The following TENM3 variants were observed in gnomAD, a reference collection of about 807,000 sequenced individuals.
TENM3 encodes teneurin-3.
TENM3 carries 63 observed loss-of-function variants against 255.1 expected under a neutral mutation model. That is an observed-to-expected ratio of 0.25 (90% CI 0.20 to 0.30). The LOEUF is 0.30. Ranked by LOEUF, TENM3 falls within the 10% of genes least tolerant of loss-of-function variation. The pLI is 1.00. For synonymous variants in TENM3, 1,306 were observed against 1,322.3 expected (o/e 0.99, Z 0.27); for missense variants, 2,929 against 3,461.1 (o/e 0.85, Z 3.86).
chr4:182,506,908 A>G (rs964930812), intron 3 of TENM3, among the ~76,000 whole-genome samples: 12 of 152,186 alleles, frequency 7.9e-5, no homozygotes, highest in Non-Finnish European at 1.2e-4. Flanking sequence ...TTATCCTGAT[A>G]GTAGTGAATA....
intron 13 of TENM3, among the ~76,000 whole-genome samples, chr4:182,727,864 C>A (rs200138429): frequency 7.1e-6 from 1 of 140,776 alleles, no homozygotes; most frequent in Non-Finnish European, 1.5e-5. Flanking sequence ...CTTAGAAGAA[C>A]TTTTTTTTTT....
chr4:182,525,527 T>C (rs1348065575), intron 3 of TENM3, among the ~76,000 whole-genome samples: 1 of 152,232 alleles, frequency 6.6e-6, no homozygotes, highest in African/African-American at 2.4e-5. Context: ...TTTATACTTT[T>C]CAAAAAATCC....
intron 22 of TENM3, among the ~76,000 whole-genome samples, chr4:182,761,877 A>G (rs1475158512): frequency 6.6e-6 from 1 of 152,284 alleles, no homozygotes; most frequent in East Asian, 1.9e-4. Context: ...TAAATTATTA[A>G]CCAAAACGTG....
chr4:182,254,924 A>T (rs114590267), intron 1 of TENM3, among the ~76,000 whole-genome samples: 11,190 of 152,096 alleles, frequency 0.074, 522 homozygotes, highest in African/African-American at 0.12. Context: ...TGAGCTAAGC[A>T]CTCTGGGTTT....
At chr4:182,559,127 A>ATTT (rs70956518) in intron 3 of TENM3, among the ~76,000 whole-genome samples, 34 of 107,476 alleles carry the variant, frequency 3.2e-4, no homozygotes, top group African/African-American at 9.2e-4. Flanking sequence ...ATTCCTCGGG[A>ATTT]TTTTTTTTTT....
At chr4:181,503,076 T>A in the TENM3 span, among the ~76,000 whole-genome samples, 1 of 152,272 alleles carries the variant, frequency 6.6e-6, no homozygotes, top group South Asian at 2.1e-4. Flanking sequence ...AATATGATCA[T>A]TCAGCTGGAC....
the TENM3 span, among the ~76,000 whole-genome samples, chr4:181,611,351 G>T: frequency 1.2e-4 from 18 of 152,166 alleles, no homozygotes; most frequent in Non-Finnish European, 2.4e-4. Context: ...AGTTCAAAGT[G>T]AATTACTTTA....
the TENM3 span, among the ~76,000 whole-genome samples, chr4:181,462,056 C>T: frequency 6.6e-6 from 1 of 152,116 alleles, no homozygotes; most frequent in Non-Finnish European, 1.5e-5. Context: ...GACCGATTTG[C>T]TTTTATGCTG....
the TENM3 span, among the ~76,000 whole-genome samples, chr4:181,591,055 T>A: frequency 6.6e-6 from 1 of 152,232 alleles, no homozygotes; most frequent in Non-Finnish European, 1.5e-5. Context: ...ACAATGAGTC[T>A]TATGCAACCT....
chr4:181,816,139 C>A, the TENM3 span, among the ~76,000 whole-genome samples: 1 of 152,124 alleles, frequency 6.6e-6, no homozygotes, highest in Non-Finnish European at 1.5e-5. Flanking sequence ...TAAGACGTTT[C>A]CACTCATAGT....
At chr4:181,861,484 G>A in the TENM3 span, among the ~76,000 whole-genome samples, 12 of 152,198 alleles carry the variant, frequency 7.9e-5, no homozygotes, top group African/African-American at 2.4e-4. Flanking sequence ...TTCATTATGT[G>A]GACAATACTT....
chr4:182,232,969 T>C (rs1756675377), intron 1 of TENM3, among the ~76,000 whole-genome samples: 1 of 152,142 alleles, frequency 6.6e-6, no homozygotes, highest in Non-Finnish European at 1.5e-5. Flanking sequence ...ATTTCTGGAA[T>C]TTTCCATTTA....
intron 3 of TENM3, among the ~76,000 whole-genome samples, chr4:182,412,975 A>G (rs1770102487): frequency 6.6e-6 from 1 of 152,130 alleles, no homozygotes; most frequent in Admixed American, 6.5e-5. Flanking sequence ...GAAAAACAAT[A>G]GATAAAATAA....
intron 6 of TENM3, among the ~76,000 whole-genome samples, chr4:182,659,373 A>G (rs1754022915): frequency 6.6e-6 from 1 of 152,092 alleles, no homozygotes; most frequent in Non-Finnish European, 1.5e-5. Context: ...GTATATTGTT[A>G]TAATTGTTCT....
At chr4:182,348,280 A>T (rs866253852) in intron 3 of TENM3, among the ~76,000 whole-genome samples, 1 of 152,192 alleles carries the variant, frequency 6.6e-6, no homozygotes, top group Non-Finnish European at 1.5e-5. Flanking sequence ...CAGAATCAGG[A>T]TGCCAACATT....
chr4:181,568,452 A>C, the TENM3 span, among the ~76,000 whole-genome samples: 14 of 151,966 alleles, frequency 9.2e-5, no homozygotes, highest in African/African-American at 3.1e-4. Context: ...ATCCTCCCAA[A>C]GTGCTGGGAT....
intron 3 of TENM3, among the ~76,000 whole-genome samples, chr4:182,446,935 C>G (rs1772971268): frequency 6.6e-6 from 1 of 151,850 alleles, no homozygotes; most frequent in Admixed American, 6.6e-5. Flanking sequence ...TGAAATGATC[C>G]TTTTCAAAAC....
At chr4:181,832,085 T>C in the TENM3 span, among the ~76,000 whole-genome samples, 2 of 149,100 alleles carry the variant, frequency 1.3e-5, no homozygotes, top group African/African-American at 5.0e-5. Flanking sequence ...GGAGGAACAA[T>C]AGGAAGCCAT....
At position 182,799,596 on chromosome 4, in the gene TENM3, C is replaced by T; in HGVS notation, c.7345C>T (p.Pro2449Ser). ...VKSQQWDDIP[P>S]IFGVQQQVAR... is the part of the protein sequence containing the mutation. Reference sequence around the variant, plus strand: ...GCCCCCTCTTTTGTTTCGCCCGCAGCCCATCTTCGGAGTCCAGCAGCAAGT... The same window carrying T: ...GCCCCCTCTTTTGTTTCGCCCGCAGTCCATCTTCGGAGTCCAGCAGCAAGT... Residue 2449 changes from proline to serine, a missense_variant and splice_region_variant, in exon 28 of 28, where the codon CCC becomes TCC. This residue lies in a region of TENM3 where 476 missense variants were observed against 480.1 expected (regional missense o/e 0.99). Transcript: ENST00000511685. This position sits in a 1 kb window ranked among gnomAD's most constrained non-coding sequence, Gnocchi z 4.2. 1 of 1,537,894 alleles carries T rather than the reference C, an allele frequency of 6.5e-7. No homozygotes were observed. The highest frequency in any genetic ancestry group is 1.2e-5 in the South Asian group (1 of 83,948).
Sources: allele counts gnomAD v4.1 joint callset (sites outside exome capture counted in the v4.1 genomes callset), GRCh38; gene constraint gnomAD v4.1.1; regional missense constraint gnomAD v4.1.1; non-coding constraint Gnocchi (gnomAD v3.1); transcripts MANE v1.5; gene names NCBI Gene and HGNC (gene_info 2026-07-23, HGNC 2026-07-21).